Variants in ANXA2 observed in about 807,000 individuals in gnomAD.
ANXA2 encodes the protein annexin A2.
Under a neutral mutation model 47.3 loss-of-function variants are expected in ANXA2, and 28 were observed. That is an observed-to-expected ratio of 0.59 (90% CI 0.44 to 0.81). The LOEUF (loss-of-function observed/expected upper bound fraction) is 0.81. Among genes scored for constraint, ANXA2 ranks in the 40% least tolerant of loss-of-function variants. The probability of loss-of-function intolerance (pLI) is 0.00; values close to 1 mark genes in which losing one functional copy is unlikely to be tolerated. For missense variants in ANXA2, 384 were observed against 414.3 expected (o/e 0.93, Z 0.64); for synonymous variants, 172 against 155.5 (o/e 1.11, Z -0.79).
intron 5 of ANXA2, among the ~76,000 whole-genome samples, chr15:60,359,797 A>C (rs1414930106): frequency 1.3e-5 from 2 of 152,148 alleles, no homozygotes; most frequent in Non-Finnish European, 2.9e-5. Context: ...GGAATAAAAA[A>C]TCAAGACCAA....
At chr15:60,397,178 C>G in intron 1 of ANXA2, 9 of 800,844 alleles carry the variant, frequency 1.1e-5, no homozygotes, top group Non-Finnish European at 1.4e-5. Flanking sequence ...GCCCTTCTCT[C>G]TACTCTCAGT....
Position 60,370,919 on chromosome 15 carries a change from T to C in ANXA2, c.149-6396A>G, listed in dbSNP as rs144773397. ...CTCTTCCTCGTGTGTCTGATATGAG[T>C]GATCACAAAGTCATCTAAGCAAAGG... On this transcript the variant is annotated intron_variant, in intron 3 of 12. Transcript: ENST00000451270. 4.1e-4 allele frequency among the ~76,000 whole-genome samples: 63 copies of C among 152,316 alleles called. 1 individual carries two copies. In the Middle Eastern group the frequency reaches 0.02, roughly 49 times the overall value.
chr15:60,397,828 G>T, intron 1 of ANXA2, 115 bp downstream of exon 1: 1 of 1,356,038 alleles, frequency 7.4e-7, no homozygotes, highest in South Asian at 1.8e-5. Flanking sequence ...TGCCCCCGAC[G>T]GCCTCCGGGG....
intron 3 of ANXA2, among the ~76,000 whole-genome samples, chr15:60,366,952 C>T (rs1156636016): frequency 2.6e-4 from 23 of 89,366 alleles, no homozygotes; most frequent in East Asian, 6.9e-4. Context: ...CCCGGCCAGC[C>T]GCCCCGTCCG....
At chr15:60,397,391 AG>A in intron 1 of ANXA2, 1 of 892,894 alleles carries the variant, frequency 1.1e-6, no homozygotes, top group Non-Finnish European at 1.3e-6. Context: ...TGGGGGGCTG[AG>A]GGGTGCCTAC....
intron 4 of ANXA2, chr15:60,361,469 T>G (rs2062512367): frequency 5.3e-6 from 1 of 189,364 alleles, no homozygotes; most frequent in South Asian, 9.8e-5. Flanking sequence ...CAAGCAGATC[T>G]TGTGGCCTCC....
At chr15:60,391,768 C>T (rs2063014513) in intron 1 of ANXA2, among the ~76,000 whole-genome samples, 2 of 152,100 alleles carry the variant, frequency 1.3e-5, no homozygotes, top group Non-Finnish European at 2.9e-5. Context: ...CTCATAAATC[C>T]ATTAAAAACA....
chr15:60,364,412 C>G lies in ANXA2; in HGVS notation c.243+17G>C, dbSNP rs2062561821. The G allele has an allele frequency of 6.3e-7, 1 of 1,597,784 alleles. No individual in the cohort carries two copies. The highest frequency in any genetic ancestry group is 8.5e-7 in the Non-Finnish European group (1 of 1,170,350). On this transcript the variant is annotated intron_variant, in intron 4 of 12. Transcript: ENST00000451270. The stretch of plus-strand genomic sequence containing the variant: ...AATTCAACAAGAAATGCCCTCCATC[C>G]CTGGAATTGCCTGTACCTTTTTGGT...
At chr15:60,354,362 C>A (rs1424461108) in intron 7 of ANXA2, 149 bp from the exon 8 acceptor site, 1 of 707,642 alleles carries the variant, frequency 1.4e-6, no homozygotes. Context: ...ATAGATGGGG[C>A]CGGGCACGGT....
intron 4 of ANXA2, 65 bp from the exon 5 acceptor site, chr15:60,361,119 A>G (rs2062506241): frequency 2.7e-6 from 3 of 1,101,728 alleles, no homozygotes; most frequent in Non-Finnish European, 4.1e-6. Context: ...GAGTAAAACA[A>G]AAGTAAGAGG....
intron 1 of ANXA2, 142 bp downstream of exon 1, chr15:60,397,801 C>T: frequency 7.6e-7 from 1 of 1,307,476 alleles, no homozygotes. Context: ...CCAGTGCCGG[C>T]CGTCCCTTCA....
intron 5 of ANXA2, among the ~76,000 whole-genome samples, chr15:60,359,648 G>A (rs2062482441): frequency 6.6e-6 from 1 of 152,174 alleles, no homozygotes; most frequent in Non-Finnish European, 1.5e-5. Flanking sequence ...CTTTGGAGAT[G>A]CCCAGTGTCC....
chr15:60,356,523 A>G (rs888284398), intron 6 of ANXA2, among the ~76,000 whole-genome samples: 6 of 152,224 alleles, frequency 3.9e-5, no homozygotes, highest in African/African-American at 1.4e-4. Context: ...TACAAAAAAA[A>G]AGATAAATGT....
At chr15:60,351,584 A>C (rs1425158135) in intron 10 of ANXA2, 140 bp downstream of exon 10, 1 of 670,588 alleles carries the variant, frequency 1.5e-6, no homozygotes, top group African/African-American at 1.8e-5. Flanking sequence ...TCTGAAATCT[A>C]TACAATTAAG....
intron 3 of ANXA2, among the ~76,000 whole-genome samples, chr15:60,374,863 C>CCCGTTCCCTT (rs2062756476): frequency 1.3e-5 from 2 of 152,328 alleles, no homozygotes; most frequent in South Asian, 4.2e-4. Flanking sequence ...TCCGTTCCCT[C>CCCGTTCCCTT]CCGTTCCCTT....
chr15:60,393,051 G>A (rs2063035064), intron 1 of ANXA2: 1 of 1,287,010 alleles, frequency 7.8e-7, no homozygotes, highest in East Asian at 5.6e-5. Flanking sequence ...TTTGAAAGCA[G>A]ATATTCTTCT....
At chr15:60,388,968 G>A (rs972300379) in intron 1 of ANXA2, among the ~76,000 whole-genome samples, 2 of 151,752 alleles carry the variant, frequency 1.3e-5, no homozygotes, top group Non-Finnish European at 2.9e-5. Flanking sequence ...CTTCTTGACA[G>A]AGCAAGAAAT....
At chr15:60,366,574 C>T (rs1221392484) in intron 3 of ANXA2, among the ~76,000 whole-genome samples, 5 of 150,104 alleles carry the variant, frequency 3.3e-5, no homozygotes, top group Admixed American at 2.6e-4. Flanking sequence ...GCCTGGCAAC[C>T]GCCCCGTCTG....
At chr15:60,380,244 C>G (rs1320874880) in intron 3 of ANXA2, among the ~76,000 whole-genome samples, 2 of 152,092 alleles carry the variant, frequency 1.3e-5, no homozygotes, top group East Asian at 1.9e-4. Flanking sequence ...ACAACAATCC[C>G]GTGAGGTGGG....
Sources: allele counts gnomAD v4.1 joint callset (sites outside exome capture counted in the v4.1 genomes callset), GRCh38; gene constraint gnomAD v4.1.1; transcripts MANE v1.5; gene names NCBI Gene and HGNC (gene_info 2026-07-23, HGNC 2026-07-21).